RERE: variants seen among roughly 807,000 people sequenced by gnomAD.
RERE encodes arginine-glutamic acid dipeptide repeats protein.
In RERE, 40 loss-of-function variants were observed where a neutral mutation model predicts 146.1. The observed-to-expected ratio is 0.27, with a 90% confidence interval of 0.21 to 0.36. The LOEUF (loss-of-function observed/expected upper bound fraction) is 0.36, where lower values mean the gene tolerates loss of function less well. Ranked by LOEUF, RERE falls within the 10% of genes least tolerant of loss-of-function variation. The probability of loss-of-function intolerance (pLI) is 1.00; values close to 1 mark genes in which losing one functional copy is unlikely to be tolerated. For synonymous variants in RERE, 1,003 were observed against 866.0 expected (o/e 1.16, Z -2.78); for missense variants, 1,933 against 2,138.7 (o/e 0.90, Z 1.90).
rs869071802 is a variant in RERE at position 8,366,940 on chromosome 1, AAC to A, written c.1285-968_1285-967del. On this transcript the variant is annotated intron_variant, in intron 12 of 22. Transcript: ENST00000400908. ...ACAAAAAAAAAAAACAAAAAAAAAA[AAC>A]CCAAAAAACAAACACAGCCAAGTGA... 7.1e-4 allele frequency among the ~76,000 whole-genome samples: 107 copies of A among 149,842 alleles called. 1 individual carries two copies. The highest frequency in any genetic ancestry group is 2.0e-3 in the African/African-American group (81 of 40,284).
At chr1:8,620,487 G>T (rs2124214134) in intron 3 of RERE, among the ~76,000 whole-genome samples, 1 of 152,226 alleles carries the variant, frequency 6.6e-6, no homozygotes, top group East Asian at 1.9e-4. Context: ...TATATTAGGG[G>T]TAATTCTTGA....
Position 8,356,307 on chromosome 1 carries a change from T to A in RERE, c.4340-61A>T. The A allele has an allele frequency of 7.0e-7, 1 of 1,428,612 alleles. No homozygotes were observed. Among genetic ancestry groups the A allele is most frequent in the Non-Finnish European group, 9.1e-7 (1 of 1,095,274 alleles). 88.5% of individuals were successfully genotyped at this position (1,428,612 alleles called of 1,614,324 possible). ...TGCAGCTCTTCAATGTTTGTCCCCC[T>A]TGGCTGGAATGACCGATGACTTCCT... On this transcript the variant is annotated intron_variant, in intron 20 of 22. Coordinates refer to ENST00000400908, the MANE Select transcript of RERE (RefSeq NM_001042681.2). This position sits in a 1 kb window ranked among gnomAD's most constrained non-coding sequence, Gnocchi z 5.2.
intron 11 of RERE, among the ~76,000 whole-genome samples, chr1:8,453,945 T>C (rs1644419571): frequency 6.6e-6 from 1 of 152,244 alleles, no homozygotes; most frequent in Non-Finnish European, 1.5e-5. Context: ...AGGATGAACA[T>C]GTCTGTTTGG....
At chr1:8,756,528 G>GT (rs1460003219) in intron 1 of RERE, among the ~76,000 whole-genome samples, 4 of 152,036 alleles carry the variant, frequency 2.6e-5, no homozygotes, top group Non-Finnish European at 4.4e-5. Flanking sequence ...CCATATTTCT[G>GT]TTTAACTTTA....
At chr1:8,366,969 A>G (rs1292548200) in intron 12 of RERE, among the ~76,000 whole-genome samples, 1 of 151,354 alleles carries the variant, frequency 6.6e-6, no homozygotes, top group African/African-American at 2.4e-5. Flanking sequence ...GCCAAGTGAG[A>G]GAGCACAGAT....
At chr1:8,490,238 C>A (rs1398124364) in intron 10 of RERE, among the ~76,000 whole-genome samples, 3 of 148,374 alleles carry the variant, frequency 2.0e-5, no homozygotes, top group Non-Finnish European at 4.4e-5. Flanking sequence ...TGGCACATGC[C>A]TGTAGCTACT....
In RERE at chr1:8,379,703, G is replaced by C. The variant is rs576375973; in HGVS notation, c.1285-13729C>G. Among the ~76,000 whole-genome samples, 20 of 152,326 alleles carry C rather than the reference G, an allele frequency of 1.3e-4. No individual in the cohort carries two copies. In the South Asian group the frequency reaches 4.1e-3, roughly 32 times the overall value. On this transcript the variant is annotated intron_variant, in intron 12 of 22. Transcript: ENST00000400908. ...GCTGCTATGCATGTGGGGCCCACAG[G>C]GGGCACGCGGGGGTCACTGTCTAGA...
At chr1:8,369,508 TAAAAAAAAAA>T (rs1186718390) in intron 12 of RERE, among the ~76,000 whole-genome samples, 39 of 76,900 alleles carry the variant, frequency 5.1e-4, no homozygotes, top group Non-Finnish European at 7.0e-4. Context: ...CGCCTTTTAC[TAAAAAAAAAA>T]AAAAAAAAAA....
At chr1:8,408,242 T>A (rs1197416003) in intron 12 of RERE, among the ~76,000 whole-genome samples, 2 of 151,778 alleles carry the variant, frequency 1.3e-5, no homozygotes, top group African/African-American at 4.8e-5. Flanking sequence ...GCTAGCAAAA[T>A]CAAGCTTACG....
intron 12 of RERE, among the ~76,000 whole-genome samples, chr1:8,374,312 A>G (rs1019737438): frequency 2.6e-5 from 4 of 152,204 alleles, no homozygotes; most frequent in African/African-American, 9.6e-5. Flanking sequence ...GACACTCATG[A>G]AGATGTTCCT....
At chr1:8,642,286 T>C (rs965215589) in intron 2 of RERE, among the ~76,000 whole-genome samples, 1 of 152,208 alleles carries the variant, frequency 6.6e-6, no homozygotes, top group African/African-American at 2.4e-5. Context: ...CCCCATTTTA[T>C]TGATGAAAAG....
chr1:8,412,561 G>T (rs773728531), intron 12 of RERE, among the ~76,000 whole-genome samples: 1 of 152,184 alleles, frequency 6.6e-6, no homozygotes, highest in Non-Finnish European at 1.5e-5. Flanking sequence ...TTAATTTGAA[G>T]CCAAGTTGCA....
At chr1:8,587,308 C>G (rs1377261309) in intron 4 of RERE, among the ~76,000 whole-genome samples, 2 of 152,154 alleles carry the variant, frequency 1.3e-5, no homozygotes, top group Non-Finnish European at 2.9e-5. Context: ...TCTGCAAAAC[C>G]AGAATCATTT....
chr1:8,786,057 G>C (rs2124566599), intron 1 of RERE, among the ~76,000 whole-genome samples: 1 of 152,144 alleles, frequency 6.6e-6, no homozygotes, highest in Non-Finnish European at 1.5e-5. Flanking sequence ...CACATCCCCT[G>C]CAGAGTCTGG....
chr1:8,799,450 A>C (rs11121236), intron 1 of RERE: 2,509 of 197,076 alleles, frequency 0.013, 67 homozygotes, highest in African/African-American at 0.054. Context: ...GGTCAAGTTC[A>C]AAGAGAGGTA....
intron 11 of RERE, among the ~76,000 whole-genome samples, chr1:8,442,395 A>C (rs1301583074): frequency 6.6e-6 from 1 of 151,876 alleles, no homozygotes; most frequent in Admixed American, 6.6e-5. Context: ...TTAAAAAAAA[A>C]AAAAAAAAAA....
In RERE at chr1:8,561,373, G is replaced by A. The variant is rs944393323; in HGVS notation, c.523-3850C>T. Among the ~76,000 whole-genome samples the A allele has an allele frequency of 7.9e-5, 12 of 152,006 alleles. No homozygotes were observed. The South Asian group carries it at 1.0e-3, about 13-fold the overall frequency. On this transcript the variant is annotated intron_variant, in intron 4 of 22. Coordinates refer to ENST00000400908, the MANE Select transcript of RERE (RefSeq NM_001042681.2). ...TATCCACAATCTTTCTAAATAGGCC[G>A]GTAACTTAATTAAAAATGAAAAGTC...
At chr1:8,554,681 A>C (rs1645983179) in intron 6 of RERE, among the ~76,000 whole-genome samples, 1 of 94,098 alleles carries the variant, frequency 1.1e-5, no homozygotes, top group Non-Finnish European at 2.3e-5. Flanking sequence ...CCTGTCTCAA[A>C]AAAAAAAAAA....
At chr1:8,368,696 T>C (rs987833388) in intron 12 of RERE, among the ~76,000 whole-genome samples, 1 of 152,138 alleles carries the variant, frequency 6.6e-6, no homozygotes, top group African/African-American at 2.4e-5. Flanking sequence ...ACAGTTATAA[T>C]CAATTATTTC....
Sources: allele counts gnomAD v4.1 joint callset (sites outside exome capture counted in the v4.1 genomes callset), GRCh38; gene constraint gnomAD v4.1.1; non-coding constraint Gnocchi (gnomAD v3.1); transcripts MANE v1.5; gene names NCBI Gene and HGNC (gene_info 2026-07-23, HGNC 2026-07-21).